The following CASD1 variants were observed in gnomAD, a reference collection of about 807,000 sequenced individuals.
CASD1 encodes N-acetylneuraminate (7)9-O-acetyltransferase.
A neutral mutation model predicts 100.0 loss-of-function variants in CASD1; 41 were observed. That is an observed-to-expected ratio of 0.41 (90% confidence interval 0.32 to 0.53). The LOEUF (loss-of-function observed/expected upper bound fraction) is 0.53. Among genes scored for constraint, CASD1 ranks in the 20% least tolerant of loss-of-function variants. The pLI, the probability that CASD1 is intolerant of heterozygous loss-of-function variation, is 0.25. For missense variants in CASD1, 774 were observed against 948.7 expected, an observed-to-expected ratio of 0.82 and a Z score of 2.42; for synonymous variants, 321 against 315.6, an observed-to-expected ratio of 1.02 and a Z score of -0.18.
At chr7:94,527,287 C>A in intron 4 of CASD1, 81 bp downstream of exon 4, 2 of 1,035,962 alleles carry the variant, frequency 1.9e-6, no homozygotes, top group South Asian at 1.4e-5. Flanking sequence ...AAGTATATTT[C>A]AATGTATTCT....
intron 3 of CASD1, among the ~76,000 whole-genome samples, chr7:94,522,638 G>A (rs942217038): frequency 4.6e-5 from 7 of 151,910 alleles, no homozygotes; most frequent in South Asian, 4.1e-4. Flanking sequence ...AAGCACGCGT[G>A]GAACTTTTTA....
At chr7:94,531,895 A>C (rs1418104525) in intron 5 of CASD1, among the ~76,000 whole-genome samples, 1 of 152,108 alleles carries the variant, frequency 6.6e-6, no homozygotes, top group African/African-American at 2.4e-5. Flanking sequence ...GCAATATCCT[A>C]TTAGCCATTC....
At chr7:94,609,234 A>T in the CASD1 span, among the ~76,000 whole-genome samples, 1 of 152,232 alleles carries the variant, frequency 6.6e-6, no homozygotes, top group East Asian at 1.9e-4. Context: ...TCCAATTAAA[A>T]ATGGGCCAGA....
At chr7:94,600,624 T>C in the CASD1 span, 1 of 1,545,140 alleles carries the variant, frequency 6.5e-7, no homozygotes, top group East Asian at 2.2e-5. Context: ...TCTAATTATC[T>C]TATTAGTTTT....
At chr7:94,533,901 G>A in intron 7 of CASD1, 99 bp downstream of exon 7, 1 of 1,125,770 alleles carries the variant, frequency 8.9e-7, no homozygotes, top group Non-Finnish European at 1.2e-6. Context: ...TGCTTTATGA[G>A]AATTAATTTT....
intron 13 of CASD1, among the ~76,000 whole-genome samples, chr7:94,547,601 G>T (rs555974984): frequency 2.0e-5 from 3 of 151,774 alleles, no homozygotes; most frequent in Admixed American, 6.6e-5. Context: ...CAACTTAGGA[G>T]CAAAGGGGTT....
At chr7:94,535,718 T>A (rs570300352) in intron 8 of CASD1, among the ~76,000 whole-genome samples, 195 bp downstream of exon 8, 1 of 152,286 alleles carries the variant, frequency 6.6e-6, no homozygotes, top group South Asian at 2.1e-4. Flanking sequence ...AGAGTTTTGG[T>A]ATACTCTAAG....
the CASD1 span, among the ~76,000 whole-genome samples, chr7:94,577,445 A>G: frequency 6.6e-6 from 1 of 152,308 alleles, no homozygotes; most frequent in South Asian, 2.1e-4. Flanking sequence ...TGCCTTTGCG[A>G]AGGAGTTCTG....
chr7:94,587,055 C>T, the CASD1 span: 12 of 984,952 alleles, frequency 1.2e-5, no homozygotes, highest in Non-Finnish European at 1.4e-5. Context: ...GCAAAGCTTT[C>T]TTGACTCAAG....
rs1328795481 is a variant in CASD1, at chr7:94,535,531, A to G, written c.843+8A>G. On this transcript the variant is annotated splice_region_variant and intron_variant, in intron 8 of 17. Transcript: ENST00000297273. ...GAATCGAGCAGAGAAACTGTGAGAA[A>G]TTTTTACATATGTCAGTAGATGGAG... 1 of 1,585,562 alleles carries G rather than the reference A, an allele frequency of 6.3e-7. No homozygotes were observed. The highest frequency in any genetic ancestry group is 8.7e-7 in the Non-Finnish European group (1 of 1,154,676).
intron 10 of CASD1, among the ~76,000 whole-genome samples, chr7:94,539,668 C>CA (rs71120400): frequency 0.6 from 71,385 of 119,198 alleles, 18,926 homozygotes; most frequent in South Asian, 0.74. Flanking sequence ...GACTCCGTCT[C>CA]AAAAAAAAAA....
At chr7:94,632,394 T>C in the CASD1 span, among the ~76,000 whole-genome samples, 1 of 152,124 alleles carries the variant, frequency 6.6e-6, no homozygotes, top group Admixed American at 6.6e-5. Context: ...CAAGACACAA[T>C]CTACCATGGC....
intron 10 of CASD1, among the ~76,000 whole-genome samples, chr7:94,543,749 C>G (rs925507568): frequency 1.3e-5 from 2 of 151,490 alleles, no homozygotes; most frequent in African/African-American, 4.9e-5. Flanking sequence ...TCACAGTGTT[C>G]TAAGGTTATG....
In CASD1 at chr7:94,535,505, T is replaced by C; in HGVS notation, c.825T>C (p.Pro275=). ...AATCTTTGGATGGCTTACATCTTCC[T>C]GAATCGAGCAGAGAAACTGTGAGAA... The part of the protein sequence containing the change: ...IMESLDGLHL[P]ESSRETTAMI... The change falls in exon 8 of 18, where the codon CCT becomes CCC. Residue 275 remains proline (P), a synonymous_variant. Coordinates refer to ENST00000297273, the MANE Select transcript of CASD1 (RefSeq NM_022900.5). 2 of 1,613,394 alleles carry C rather than the reference T, an allele frequency of 1.2e-6. No homozygotes were observed. The highest frequency in any genetic ancestry group is 1.7e-6 in the Non-Finnish European group (2 of 1,179,546).
At position 94,538,990 on chromosome 7, in the gene CASD1, A is replaced by G; in HGVS notation, c.1290A>G (p.Gln430=). ...TKETKVLNRE[Q]TDEWKGWMQL... ...AGACTAAAGTATTAAATAGAGAACA[A>G]ACAGACGAATGGAAAGGCTGGATGC... The change falls in exon 10 of 18, where the codon CAA becomes CAG. Residue 430 remains glutamine, a synonymous_variant. Coordinates refer to ENST00000297273, the MANE Select transcript of CASD1 (RefSeq NM_022900.5). 1 of 1,607,610 alleles carries G rather than the reference A, an allele frequency of 6.2e-7. No homozygotes were observed. Among genetic ancestry groups the G allele is most frequent in the Non-Finnish European group, 8.5e-7 (1 of 1,174,840 alleles).
the CASD1 span, chr7:94,588,127 G>A: frequency 8.7e-7 from 1 of 1,151,662 alleles, no homozygotes; most frequent in Non-Finnish European, 1.1e-6. Context: ...AAATTTTTAG[G>A]GACACTTGAA....
At chr7:94,519,039 A>T (rs1794117950) in intron 3 of CASD1, among the ~76,000 whole-genome samples, 1 of 152,118 alleles carries the variant, frequency 6.6e-6, no homozygotes, top group Non-Finnish European at 1.5e-5. Context: ...AATTAGCAAT[A>T]TATTTTGGGG....
the CASD1 span, among the ~76,000 whole-genome samples, chr7:94,571,489 T>G: frequency 6.6e-6 from 1 of 152,246 alleles, no homozygotes; most frequent in South Asian, 2.1e-4. Context: ...GAACTTATTT[T>G]TAGTAGAAAT....
At chr7:94,585,371 C>A in the CASD1 span, 1 of 826,400 alleles carries the variant, frequency 1.2e-6, no homozygotes, top group South Asian at 1.5e-5. Flanking sequence ...ATTTGGTATA[C>A]ACTTAATACT....
Sources: allele counts gnomAD v4.1 joint callset (sites outside exome capture counted in the v4.1 genomes callset), GRCh38; gene constraint gnomAD v4.1.1; transcripts MANE v1.5; gene names NCBI Gene and HGNC (gene_info 2026-07-23, HGNC 2026-07-21).